DPP10: variants seen among roughly 807,000 people sequenced by gnomAD.
The protein encoded by DPP10 is dipeptidyl peptidase like 10.
Under a neutral mutation model 120.9 loss-of-function variants are expected in DPP10, and 33 were observed. That is an observed-to-expected ratio of 0.27 (90% CI 0.21 to 0.37). The LOEUF (loss-of-function observed/expected upper bound fraction) is 0.37. Among genes scored for constraint, DPP10 ranks in the 10% least tolerant of loss-of-function variants. The pLI, the probability that DPP10 is intolerant of heterozygous loss-of-function variation, is 1.00. For synonymous variants in DPP10, 337 were observed against 326.1 expected (o/e 1.03, Z -0.36); for missense variants, 816 against 942.8 (o/e 0.87, Z 1.76).
chr2:115,151,044 C>T (rs1174639751), intron 1 of DPP10, among the ~76,000 whole-genome samples: 2 of 152,090 alleles, frequency 1.3e-5, no homozygotes, highest in Non-Finnish European at 2.9e-5. Context: ...TCAAAAAACT[C>T]CCACGAGGAC....
At chr2:114,582,887 C>T (rs1690651639) in intron 1 of DPP10, among the ~76,000 whole-genome samples, 2 of 152,080 alleles carry the variant, frequency 1.3e-5, no homozygotes, top group Admixed American at 1.3e-4. Flanking sequence ...TCAAATAATA[C>T]AGGTTTGACT....
At chr2:114,832,060 T>C (rs542108225) in intron 1 of DPP10, among the ~76,000 whole-genome samples, 2 of 152,150 alleles carry the variant, frequency 1.3e-5, no homozygotes, top group South Asian at 2.1e-4. Flanking sequence ...TTTGACTAAT[T>C]ATTTTCCACG....
At chr2:115,650,249 A>G (rs1575437523) in intron 5 of DPP10, among the ~76,000 whole-genome samples, 2 of 152,170 alleles carry the variant, frequency 1.3e-5, no homozygotes, top group African/African-American at 4.8e-5. Flanking sequence ...AATCACTTCA[A>G]CTTGAATCCA....
chr2:115,645,097 T>C (rs550676801), intron 5 of DPP10, among the ~76,000 whole-genome samples: 12 of 152,240 alleles, frequency 7.9e-5, no homozygotes, highest in Non-Finnish European at 1.6e-4. Flanking sequence ...AATGATACCA[T>C]GAAAAGTATT....
chr2:114,932,784 A>G (rs1696174984), intron 1 of DPP10, among the ~76,000 whole-genome samples: 1 of 152,206 alleles, frequency 6.6e-6, no homozygotes, highest in South Asian at 2.1e-4. Flanking sequence ...TTTAAGATTA[A>G]TACACCTTAT....
chr2:115,676,329 C>T (rs1000827875), intron 5 of DPP10, among the ~76,000 whole-genome samples: 2 of 152,038 alleles, frequency 1.3e-5, no homozygotes, highest in African/African-American at 2.4e-5. Context: ...AGAACCAAAG[C>T]CAAAGTATTT....
chr2:115,068,930 T>G (rs1445141931), intron 1 of DPP10, among the ~76,000 whole-genome samples: 1 of 152,164 alleles, frequency 6.6e-6, no homozygotes, highest in Non-Finnish European at 1.5e-5. Flanking sequence ...GTATGTCTAT[T>G]TTTATGCCAG....
intron 4 of DPP10, among the ~76,000 whole-genome samples, chr2:115,510,640 T>C (rs1018412542): frequency 9.9e-5 from 15 of 152,164 alleles, no homozygotes; most frequent in African/African-American, 3.6e-4. Flanking sequence ...CATTTCCATA[T>C]GAATTTTAAG....
intron 3 of DPP10, among the ~76,000 whole-genome samples, chr2:115,453,959 T>C (rs1267453212): frequency 6.6e-6 from 1 of 151,344 alleles, no homozygotes; most frequent in African/African-American, 2.4e-5. Flanking sequence ...AAAAATGTTA[T>C]TATAATAATT....
At chr2:115,003,284 AT>A (rs1358491788) in intron 1 of DPP10, among the ~76,000 whole-genome samples, 1 of 152,078 alleles carries the variant, frequency 6.6e-6, no homozygotes, top group Non-Finnish European at 1.5e-5. Flanking sequence ...CAAATACTGC[AT>A]GTTCTCACTT....
At chr2:115,810,408 T>TA (rs1686505980) in intron 19 of DPP10, among the ~76,000 whole-genome samples, 1 of 152,214 alleles carries the variant, frequency 6.6e-6, no homozygotes, top group African/African-American at 2.4e-5. Context: ...AACAAATCTC[T>TA]ATACTTTAAT....
At chr2:115,732,549 A>G (rs1396758561) in intron 8 of DPP10, among the ~76,000 whole-genome samples, 1 of 152,196 alleles carries the variant, frequency 6.6e-6, no homozygotes, top group Non-Finnish European at 1.5e-5. Flanking sequence ...AATGTTATTC[A>G]CTTAAATTGC....
intron 7 of DPP10, among the ~76,000 whole-genome samples, chr2:115,702,855 A>T (rs189707331): frequency 5.8e-4 from 89 of 152,248 alleles, no homozygotes; most frequent in African/African-American, 1.7e-3. Context: ...TTGGTATGTG[A>T]AGAATAGGTG....
At chr2:115,075,557 C>A (rs2104463460) in intron 1 of DPP10, among the ~76,000 whole-genome samples, 1 of 152,278 alleles carries the variant, frequency 6.6e-6, no homozygotes, top group East Asian at 1.9e-4. Context: ...AAAAATAATT[C>A]TCATGTTTGT....
intron 5 of DPP10, among the ~76,000 whole-genome samples, chr2:115,596,954 C>T (rs1048083610): frequency 1.3e-5 from 2 of 152,154 alleles, no homozygotes; most frequent in Admixed American, 6.5e-5. Context: ...TAACTCGTTT[C>T]ATAATTAGAT....
intron 3 of DPP10, among the ~76,000 whole-genome samples, chr2:115,449,974 A>G (rs2072966916): frequency 1.3e-5 from 2 of 152,030 alleles, no homozygotes; most frequent in South Asian, 4.1e-4. Context: ...TTTACCCCAA[A>G]AGCCCAAGAA....
chr2:115,006,568 C>T (rs1701859249), intron 1 of DPP10, among the ~76,000 whole-genome samples: 1 of 146,990 alleles, frequency 6.8e-6, no homozygotes, highest in East Asian at 2.0e-4. Context: ...GGTTGCAATC[C>T]TAGTCTCTGA....
At chr2:115,053,087 G>A (rs933727437) in intron 1 of DPP10, among the ~76,000 whole-genome samples, 6 of 151,968 alleles carry the variant, frequency 3.9e-5, no homozygotes, top group South Asian at 2.1e-4. Context: ...AAACCTAAAC[G>A]TAAAGTTATT....
rs558730695 is a variant in DPP10, at chr2:114,544,325, C to A, written c.60+101487C>A. ...ACGCTTCAGATCCTGTGGGAGGAAA[C>A]CAAGACATAGAAGCTTTTGTTCATA... On this transcript the variant is annotated intron_variant, in intron 1 of 25. Transcript: ENST00000410059. Among the ~76,000 whole-genome samples, 3 of 152,272 alleles carry A rather than the reference C, an allele frequency of 2.0e-5. No homozygotes were observed. The East Asian group carries it at 5.8e-4, about 29-fold the overall frequency.
Sources: allele counts gnomAD v4.1 joint callset (sites outside exome capture counted in the v4.1 genomes callset), GRCh38; gene constraint gnomAD v4.1.1; transcripts MANE v1.5; gene names NCBI Gene and HGNC (gene_info 2026-07-23, HGNC 2026-07-21).